Variants in TIMMDC1 observed in about 807,000 individuals in gnomAD.
TIMMDC1 encodes the protein translocase of inner mitochondrial membrane domain containing 1, also known as complex I assembly factor TIMMDC1, mitochondrial.
In TIMMDC1, 25 loss-of-function variants were observed where a neutral mutation model predicts 32.6. That is an observed-to-expected ratio of 0.77 (90% CI 0.56 to 1.07). TIMMDC1 has a LOEUF of 1.07. TIMMDC1 is among the 50% of genes least tolerant of loss of function. The probability of loss-of-function intolerance (pLI) is 0.00; values close to 1 mark genes in which losing one functional copy is unlikely to be tolerated. For synonymous variants in TIMMDC1, 130 were observed against 127.6 expected (o/e 1.02, Z -0.13); for missense variants, 329 against 349.2 (o/e 0.94, Z 0.46).
intron 2 of TIMMDC1, among the ~76,000 whole-genome samples, chr3:119,502,833 T>TA (rs964492758): frequency 2.6e-5 from 4 of 152,170 alleles, no homozygotes; most frequent in African/African-American, 9.7e-5. Flanking sequence ...GTGCTGAGAT[T>TA]ACAGGTGTGA....
At chr3:119,504,684 G>C (rs2081904099) in intron 4 of TIMMDC1, among the ~76,000 whole-genome samples, 2 of 152,124 alleles carry the variant, frequency 1.3e-5, no homozygotes, top group African/African-American at 4.8e-5. Flanking sequence ...TTGGTCAAAG[G>C]ATACAAAATT....
intron 4 of TIMMDC1, among the ~76,000 whole-genome samples, chr3:119,512,243 T>G (rs980251063): frequency 7.2e-5 from 11 of 152,042 alleles, no homozygotes; most frequent in African/African-American, 2.4e-4. Context: ...AATAAAAAAT[T>G]TAGTATGTAC....
rs2082051864 is a variant in TIMMDC1, at chr3:119,524,398, T to A, written c.*642T>A. 1 of 152,244 alleles carries A rather than the reference T, an allele frequency of 6.6e-6. No homozygotes were observed. Among genetic ancestry groups the A allele is most frequent in the Non-Finnish European group, 1.5e-5 (1 of 68,052 alleles). 9.4% of individuals were successfully genotyped at this position (152,244 alleles called of 1,614,324 possible). On this transcript the variant is annotated 3_prime_UTR_variant, in exon 7 of 7. Coordinates refer to ENST00000494664, the MANE Select transcript of TIMMDC1 (RefSeq NM_016589.4). ...AGAATAGAAACATAGTCATCACAAC[T>A]GTTACTAAATGGAAAAGAAAAGAAT...
intron 6 of TIMMDC1, among the ~76,000 whole-genome samples, chr3:119,523,369 T>C (rs1387407943): frequency 3.3e-5 from 5 of 152,220 alleles, no homozygotes; most frequent in Non-Finnish European, 5.9e-5. Flanking sequence ...GAATATCTTA[T>C]GGATCAGAGC....
rs376890326 is a variant in TIMMDC1, at chr3:119,509,927, G to A, written c.518-3714G>A. ...TCTCAATCTCCTGACCTCGTGATCCGCCCGCCTCGGCCTCCCAAAGTGCTG... is the reference window on the plus strand; with the variant it reads ...TCTCAATCTCCTGACCTCGTGATCCACCCGCCTCGGCCTCCCAAAGTGCTG... On this transcript the variant is annotated intron_variant, in intron 4 of 6. Coordinates refer to ENST00000494664, the MANE Select transcript of TIMMDC1 (RefSeq NM_016589.4). Among the ~76,000 whole-genome samples the A allele has an allele frequency of 3.0e-4, 46 of 151,998 alleles. 1 individual carries two copies. In the South Asian group the frequency reaches 8.9e-3, roughly 30 times the overall value.
At chr3:119,521,526 G>T (rs2082026625) in intron 6 of TIMMDC1, among the ~76,000 whole-genome samples, 1 of 149,086 alleles carries the variant, frequency 6.7e-6, no homozygotes, top group Non-Finnish European at 1.5e-5. Context: ...CAGCCTGAGT[G>T]ACAGCATGAG....
At chr3:119,514,084 AAG>A (rs1180305336) in intron 5 of TIMMDC1, among the ~76,000 whole-genome samples, 1 of 152,230 alleles carries the variant, frequency 6.6e-6, no homozygotes, top group Non-Finnish European at 1.5e-5. Flanking sequence ...GCAGGGAAAA[AAG>A]AACAAAAAAC....
At chr3:119,504,408 T>C (rs1404244117) in intron 4 of TIMMDC1, among the ~76,000 whole-genome samples, 2 of 152,076 alleles carry the variant, frequency 1.3e-5, no homozygotes, top group Non-Finnish European at 1.5e-5. Flanking sequence ...GTGTCCTAAA[T>C]AGAGGGAACA....
intron 4 of TIMMDC1, among the ~76,000 whole-genome samples, chr3:119,505,624 C>T (rs1369049697): frequency 1.3e-5 from 2 of 152,336 alleles, no homozygotes; most frequent in Non-Finnish European, 2.9e-5. Flanking sequence ...ATCTCGGCCT[C>T]TCAGAGTGCT....
chr3:119,511,495 GA>G (rs34000219), intron 4 of TIMMDC1, among the ~76,000 whole-genome samples: 1 of 150,268 alleles, frequency 6.7e-6, no homozygotes, highest in South Asian at 2.1e-4. Flanking sequence ...AAAGAAAAAA[GA>G]AAAAAAAATT....
intron 1 of TIMMDC1, chr3:119,500,488 C>G: frequency 2.1e-6 from 1 of 465,420 alleles, no homozygotes; most frequent in East Asian, 3.5e-5. Context: ...CAGGAGTTGC[C>G]ACTATCCTAA....
At chr3:119,503,844 T>A (rs1309512360) in intron 3 of TIMMDC1, 110 bp from the exon 4 acceptor site, 2 of 975,108 alleles carry the variant, frequency 2.1e-6, no homozygotes, top group African/African-American at 3.3e-5. Context: ...GGAACAGGGA[T>A]TGATATAGTA....
intron 6 of TIMMDC1, among the ~76,000 whole-genome samples, chr3:119,519,338 T>G (rs2082007746): frequency 6.6e-6 from 1 of 151,990 alleles, no homozygotes; most frequent in Non-Finnish European, 1.5e-5. Context: ...GTTTAAAGAC[T>G]CAACTATATA....
chr3:119,524,698 T>C lies in TIMMDC1; in HGVS notation c.*942T>C, dbSNP rs2082054364. On this transcript the variant is annotated 3_prime_UTR_variant, in exon 7 of 7. Coordinates refer to ENST00000494664, the MANE Select transcript of TIMMDC1 (RefSeq NM_016589.4). ...GATAATGTGATTATCCCAGCTTAAG[T>C]TGCGTCCACTTCTGGTCTAGTGAAT... is the stretch of plus-strand genomic sequence containing the variant. The C allele has an allele frequency of 6.6e-6, 1 of 152,248 alleles. No individual in the cohort carries two copies. The highest frequency in any genetic ancestry group is 6.5e-5 in the Admixed American group (1 of 15,288). The allele number at this position is 152,248 out of a possible 1,614,324, so 9.4% of individuals were successfully genotyped here. A position where few individuals can be genotyped will look rare whatever the true frequency, so the allele number is the denominator to read the frequency against.
At position 119,523,747 on chromosome 3, in the gene TIMMDC1, C is replaced by T. The variant is rs2082046843; in HGVS notation, c.849C>T (p.Asp283=). 2 of 1,603,752 alleles carry T rather than the reference C, an allele frequency of 1.2e-6. No homozygotes were observed. Among genetic ancestry groups the T allele is most frequent in the Non-Finnish European group, 1.7e-6 (2 of 1,175,936 alleles). ...ACCCTTCAGTAATAGATAAACAAGA[C>T]AAGGACTGAAAGTGCTCTGAACTTG... is the stretch of plus-strand genomic sequence containing the variant. The part of the protein sequence containing the change: ...PRNPSVIDKQ[D]KD The change falls in exon 7 of 7, where the codon GAC becomes GAT. Residue 283 remains aspartate, a synonymous_variant. Transcript: ENST00000494664.
rs2082026704 is a variant in TIMMDC1, at chr3:119,521,549, T to C, written c.708-2057T>C. ...GTGACAGCATGAGACAAAAGAAAATTAGGCACAGTAGTGCATGCCTATAGC... is the reference window on the plus strand; with the variant it reads ...GTGACAGCATGAGACAAAAGAAAATCAGGCACAGTAGTGCATGCCTATAGC... On this transcript the variant is annotated intron_variant, in intron 6 of 6. Transcript: ENST00000494664. 2.6e-5 allele frequency among the ~76,000 whole-genome samples: 4 copies of C among 151,554 alleles called. No homozygotes were observed. In the South Asian group the frequency reaches 6.2e-4, roughly 24 times the overall value.
rs2082056783 is a variant in TIMMDC1, at chr3:119,525,045, C to G, written c.*1289C>G. ...GAACCAGTTAAGTCTTTGGACTATCCCTTTCCTCCTTGACTACTGCTTTGA... is the reference window on the plus strand; with the variant it reads ...GAACCAGTTAAGTCTTTGGACTATCGCTTTCCTCCTTGACTACTGCTTTGA... On this transcript the variant is annotated 3_prime_UTR_variant, in exon 7 of 7. Transcript: ENST00000494664. 6.6e-6 allele frequency: 1 copy of G among 152,146 alleles called. No homozygotes were observed. The highest frequency in any genetic ancestry group is 2.1e-4 in the South Asian group (1 of 4,832). 9.4% of individuals were successfully genotyped at this position (152,146 alleles called of 1,614,324 possible). A position where few individuals can be genotyped will look rare whatever the true frequency, so the allele number is the denominator to read the frequency against.
At chr3:119,522,848 AG>A (rs2082037518) in intron 6 of TIMMDC1, among the ~76,000 whole-genome samples, 1 of 149,994 alleles carries the variant, frequency 6.7e-6, no homozygotes, top group African/African-American at 2.4e-5. Flanking sequence ...GATATTTCTA[AG>A]GAGAGTTAAT....
At position 119,503,981 on chromosome 3, in the gene TIMMDC1, C is replaced by T. The variant is rs755027597; in HGVS notation, c.477C>T (p.Tyr159=). 6.2e-7 allele frequency: 1 copy of T among 1,613,492 alleles called. No homozygotes were observed. Among genetic ancestry groups the T allele is most frequent in the Non-Finnish European group, 8.5e-7 (1 of 1,179,634 alleles). ...FNTVNTSLNV[Y]RNKDALSHFV... ...CAGTGAACACTAGTCTGAATGTATA[C>T]CGAAATAAAGATGCCTTAAGCCATT... Residue 159 remains tyrosine, a synonymous_variant, in exon 4 of 7, where the codon TAC becomes TAT. Transcript: ENST00000494664.
Sources: allele counts gnomAD v4.1 joint callset (sites outside exome capture counted in the v4.1 genomes callset), GRCh38; gene constraint gnomAD v4.1.1; transcripts MANE v1.5; gene names NCBI Gene and HGNC (gene_info 2026-07-23, HGNC 2026-07-21).